ACTR3C: variants seen among roughly 807,000 people sequenced by gnomAD.
ACTR3C encodes the protein actin-related protein 3C.
Under a neutral mutation model 26.3 loss-of-function variants are expected in ACTR3C, and 18 were observed. That is an observed-to-expected ratio of 0.68 (90% confidence interval 0.47 to 1.01). ACTR3C has a LOEUF of 1.01. Among genes scored for constraint, ACTR3C ranks in the 50% least tolerant of loss-of-function variants. The pLI is 0.00. For synonymous variants in ACTR3C, 55 were observed against 94.5 expected (o/e 0.58, Z 2.42); for missense variants, 184 against 250.7 (o/e 0.73, Z 1.80).
At chr7:150,039,760 T>G in the ACTR3C span, among the ~76,000 whole-genome samples, 1 of 129,644 alleles carries the variant, frequency 7.7e-6, no homozygotes, top group Non-Finnish European at 1.7e-5. Flanking sequence ...CCTCCTGCGA[T>G]GGGGGTCCCC....
intron 1 of ACTR3C, among the ~76,000 whole-genome samples, chr7:150,318,492 G>A (rs528618752): frequency 2.0e-5 from 3 of 152,176 alleles, no homozygotes; most frequent in African/African-American, 4.8e-5. Flanking sequence ...TGCCAGTTGC[G>A]GTGGCTCACG....
At chr7:149,897,533 CCAATT>C in the ACTR3C span, among the ~76,000 whole-genome samples, 3 of 152,112 alleles carry the variant, frequency 2.0e-5, no homozygotes, top group Non-Finnish European at 2.9e-5. Context: ...TCTGGAACCT[CCAATT>C]TACTACAAAT....
At chr7:150,265,626 G>A (rs560171285) in intron 6 of ACTR3C, among the ~76,000 whole-genome samples, 26 of 152,216 alleles carry the variant, frequency 1.7e-4, no homozygotes, top group Non-Finnish European at 2.6e-4. Flanking sequence ...CCCGGGAGGC[G>A]GAGGTTGCAG....
the ACTR3C span, among the ~76,000 whole-genome samples, chr7:150,025,920 C>T: frequency 1.3e-5 from 2 of 151,876 alleles, no homozygotes; most frequent in Non-Finnish European, 2.9e-5. Flanking sequence ...CTTTAGAAAT[C>T]AGAAACACGT....
the ACTR3C span, among the ~76,000 whole-genome samples, chr7:150,064,352 C>T: frequency 6.8e-5 from 10 of 146,768 alleles, no homozygotes; most frequent in African/African-American, 1.5e-4. Flanking sequence ...GTCAGGAGTT[C>T]GAGACCAGCC....
chr7:150,068,622 C>CAA, the ACTR3C span, among the ~76,000 whole-genome samples: 59,406 of 141,282 alleles, frequency 0.42, 12,792 homozygotes, highest in East Asian at 0.59. Context: ...ACTAAAAATA[C>CAA]AAAAAAAAAA....
chr7:150,038,808 C>T, the ACTR3C span, among the ~76,000 whole-genome samples: 1 of 105,246 alleles, frequency 9.5e-6, no homozygotes, highest in Non-Finnish European at 2.1e-5. Flanking sequence ...CGGGGGGTGC[C>T]TCCCCCCTCT....
chr7:149,932,224 G>A, the ACTR3C span, among the ~76,000 whole-genome samples: 2 of 152,060 alleles, frequency 1.3e-5, no homozygotes, highest in Non-Finnish European at 2.9e-5. Context: ...CATGAAAGAA[G>A]CCATTCACAA....
At chr7:150,035,987 C>T in the ACTR3C span, among the ~76,000 whole-genome samples, 4 of 131,224 alleles carry the variant, frequency 3.0e-5, 1 homozygote, top group South Asian at 2.2e-4. Context: ...TCAGTCCCTG[C>T]CTCGCGGGGG....
the ACTR3C span, among the ~76,000 whole-genome samples, chr7:150,126,792 A>G: frequency 6.6e-6 from 1 of 152,162 alleles, no homozygotes; most frequent in African/African-American, 2.4e-5. Context: ...CCCCCTTCTG[A>G]GCACCTTGTC....
the ACTR3C span, among the ~76,000 whole-genome samples, chr7:149,991,644 C>G: frequency 6.6e-6 from 1 of 152,232 alleles, no homozygotes; most frequent in South Asian, 2.1e-4. Context: ...CCGGTCTCTC[C>G]CACTTGCCTT....
chr7:150,300,282 G>T (rs916168966), intron 1 of ACTR3C, among the ~76,000 whole-genome samples: 8 of 152,118 alleles, frequency 5.3e-5, no homozygotes, highest in African/African-American at 7.2e-5. Context: ...AACCCGGGAG[G>T]CGGAGGTTGC....
At chr7:150,307,779 G>C (rs778221050) in intron 1 of ACTR3C, among the ~76,000 whole-genome samples, 4 of 152,162 alleles carry the variant, frequency 2.6e-5, no homozygotes, top group Non-Finnish European at 5.9e-5. Flanking sequence ...TGCTCCATGA[G>C]AAAATCCACT....
At chr7:149,972,857 GT>G in the ACTR3C span, among the ~76,000 whole-genome samples, 2 of 151,900 alleles carry the variant, frequency 1.3e-5, no homozygotes, top group Non-Finnish European at 2.9e-5. Flanking sequence ...TAGTGAGTGG[GT>G]GGCACATCTA....
At position 150,286,284 on chromosome 7, in the gene ACTR3C, C is replaced by T. The variant is rs998605104; in HGVS notation, c.471+83G>A. The T allele has an allele frequency of 6.8e-6, 10 of 1,461,962 alleles. No homozygotes were observed. In the Admixed American group the frequency reaches 1.3e-4, roughly 19 times the overall value. The allele number at this position is 1,461,962 out of a possible 1,614,324, so 90.6% of individuals were successfully genotyped here. A position where few individuals can be genotyped will look rare whatever the true frequency, so the allele number is the denominator to read the frequency against. On this transcript the variant is annotated intron_variant, in intron 5 of 7. Transcript: ENST00000683684. ...ACGGCCACCCTGCTCACAGGCCCTTCGCTGGGAACTGCTCTTTCTACACTC... is the reference window on the plus strand; with the variant it reads ...ACGGCCACCCTGCTCACAGGCCCTTTGCTGGGAACTGCTCTTTCTACACTC...
the ACTR3C span, among the ~76,000 whole-genome samples, chr7:150,118,656 A>C: frequency 6.9e-6 from 1 of 144,978 alleles, no homozygotes; most frequent in East Asian, 2.0e-4. Flanking sequence ...GTTGGAAAAC[A>C]CACTTCAGGA....
chr7:150,217,087 G>A, the ACTR3C span, among the ~76,000 whole-genome samples: 104 of 147,146 alleles, frequency 7.1e-4, 3 homozygotes, highest in South Asian at 1.9e-3. Context: ...TCCCTGATTT[G>A]GGGGCTCAAA....
chr7:149,986,668 C>T, the ACTR3C span, among the ~76,000 whole-genome samples: 1 of 152,098 alleles, frequency 6.6e-6, no homozygotes, highest in South Asian at 2.1e-4. Flanking sequence ...CATTTAACAT[C>T]ATTTGGAGAA....
At chr7:150,163,378 GTGTGTA>G in the ACTR3C span, among the ~76,000 whole-genome samples, 10 of 133,706 alleles carry the variant, frequency 7.5e-5, no homozygotes, top group African/African-American at 2.3e-4. Flanking sequence ...ATATATATAT[GTGTGTA>G]TGTGTGTGTG....
Sources: gnomAD v4.1 joint callset for allele counts (sites outside exome capture counted in the v4.1 genomes callset) on GRCh38, gnomAD v4.1.1 for gene constraint, MANE v1.5 for transcripts, NCBI Gene and HGNC (gene_info 2026-07-23, HGNC 2026-07-21) for gene names.